Variants in XPO7 observed in about 807,000 individuals in gnomAD.
XPO7 encodes exportin-7.
A neutral mutation model predicts 144.3 loss-of-function variants in XPO7; 21 were observed. The ratio of observed to expected loss-of-function variants is 0.15; its 90% confidence interval spans 0.10 to 0.21. The LOEUF is 0.21. Among genes scored for constraint, XPO7 ranks in the 10% least tolerant of loss-of-function variants. The pLI, the probability that XPO7 is intolerant of heterozygous loss-of-function variation, is 1.00. For missense variants in XPO7, 808 were observed against 1,325.8 expected, an observed-to-expected ratio of 0.61 and a Z score of 6.06; for synonymous variants, 580 against 499.6, an observed-to-expected ratio of 1.16 and a Z score of -2.15.
intron 1 of XPO7, among the ~76,000 whole-genome samples, chr8:21,925,661 GCC>G (rs942903164): frequency 6.6e-6 from 1 of 152,122 alleles, no homozygotes; most frequent in African/African-American, 2.4e-5. Flanking sequence ...ATAGTGTTAT[GCC>G]ATTTAATTGG....
At chr8:21,924,750 T>G (rs893048288) in intron 1 of XPO7, among the ~76,000 whole-genome samples, 1 of 152,192 alleles carries the variant, frequency 6.6e-6, no homozygotes, top group Non-Finnish European at 1.5e-5. Flanking sequence ...CTCACAACAT[T>G]TTATTGAGAA....
At chr8:21,989,585 T>C (rs1812691553) in intron 16 of XPO7, among the ~76,000 whole-genome samples, 1 of 152,178 alleles carries the variant, frequency 6.6e-6, no homozygotes, top group South Asian at 2.1e-4. Context: ...CCTGTAAAAT[T>C]ATTGAAGTGA....
chr8:21,937,066 A>G (rs770401441), intron 1 of XPO7, among the ~76,000 whole-genome samples: 1 of 152,200 alleles, frequency 6.6e-6, no homozygotes, highest in African/African-American at 2.4e-5. Context: ...TTCCAAAATT[A>G]TACCTTATTT....
intron 1 of XPO7, among the ~76,000 whole-genome samples, chr8:21,942,039 G>A (rs1318818697): frequency 1.3e-5 from 2 of 152,198 alleles, no homozygotes; most frequent in Non-Finnish European, 2.9e-5. Flanking sequence ...ATCAGGGAGG[G>A]GAGGGTGTTA....
rs750096186 is a variant in XPO7, at chr8:21,994,337, T to C, written c.2149-26T>C. On this transcript the variant is annotated intron_variant, in intron 19 of 27. Transcript: ENST00000252512. ...TACAGTTTTGTCTTTTCTTCTATTT[T>C]AACACATTTTTGCCTTCTACTACAG... 3.1e-6 allele frequency: 5 copies of C among 1,589,766 alleles called. No individual in the cohort carries two copies. In the South Asian group the frequency reaches 5.6e-5, roughly 18 times the overall value.
intron 18 of XPO7, 127 bp downstream of exon 18, chr8:21,991,046 A>C (rs1279176774): frequency 1.4e-5 from 11 of 812,138 alleles, no homozygotes; most frequent in Non-Finnish European, 2.2e-5. Context: ...ACTATCTGAA[A>C]TAACAGCCTG....
chr8:21,999,429 GTCT>G, intron 23 of XPO7, 104 bp from the exon 24 acceptor site: 1 of 1,572,036 alleles, frequency 6.4e-7, no homozygotes, highest in Non-Finnish European at 8.7e-7. Context: ...CTCTAACTAA[GTCT>G]TCTGTTTTCC....
chr8:21,974,590 TC>T, intron 5 of XPO7, 79 bp from the exon 6 acceptor site: 2 of 932,226 alleles, frequency 2.1e-6, no homozygotes, highest in South Asian at 3.4e-5. Context: ...TGGAAATCCT[TC>T]TAGCTTATAG....
chr8:21,967,148 T>A, intron 2 of XPO7, 145 bp downstream of exon 2: 2 of 1,131,934 alleles, frequency 1.8e-6, no homozygotes, highest in Non-Finnish European at 1.2e-6. Context: ...AGAAGTACCA[T>A]ACCTACCAGG....
At chr8:21,925,880 C>G (rs1355334323) in intron 1 of XPO7, among the ~76,000 whole-genome samples, 2 of 152,162 alleles carry the variant, frequency 1.3e-5, no homozygotes, top group Non-Finnish European at 2.9e-5. Flanking sequence ...TTAAATATAT[C>G]TTCCTCTTCT....
chr8:21,970,076 T>C, intron 3 of XPO7, 68 bp from the exon 4 acceptor site: 1 of 1,542,080 alleles, frequency 6.5e-7, no homozygotes, highest in Non-Finnish European at 8.7e-7. Context: ...TGTCTAAAGA[T>C]ATACACCCTT....
rs540718506 is a variant in XPO7 at position 21,988,931 on chromosome 8, C to A, written c.1788-72C>A. ...GTGACTTTTGATGAATGACTTTCTT[C>A]TTCTCCCAGCCCTCAAGGAAACCAG... On this transcript the variant is annotated intron_variant, in intron 15 of 27. Transcript: ENST00000252512. The A allele has an allele frequency of 6.3e-6, 9 of 1,419,662 alleles. No homozygotes were observed. The African/African-American group carries it at 1.0e-4, about 16-fold the overall frequency. The allele number at this position is 1,419,662 out of a possible 1,614,324, so 87.9% of individuals were successfully genotyped here. A position where few individuals can be genotyped will look rare whatever the true frequency, so the allele number is the denominator to read the frequency against.
chr8:21,924,369 C>G (rs1810390960), intron 1 of XPO7, among the ~76,000 whole-genome samples: 1 of 152,028 alleles, frequency 6.6e-6, no homozygotes, highest in Non-Finnish European at 1.5e-5. Context: ...CCTTACTAAC[C>G]AGCACCCAAA....
At chr8:21,932,291 A>G (rs1810678165) in intron 1 of XPO7, among the ~76,000 whole-genome samples, 1 of 152,220 alleles carries the variant, frequency 6.6e-6, no homozygotes. Context: ...ATTTTACAAA[A>G]CTATTAAGGG....
intron 1 of XPO7, among the ~76,000 whole-genome samples, chr8:21,953,655 C>T (rs1811443675): frequency 6.6e-6 from 1 of 152,242 alleles, no homozygotes; most frequent in Non-Finnish European, 1.5e-5. Context: ...TGTTGTTCCA[C>T]ATCTTTGCCA....
Position 21,989,069 on chromosome 8 carries a change from T to C in XPO7, c.1854T>C (p.Asn618=). 6.2e-7 allele frequency: 1 copy of C among 1,613,790 alleles called. No individual in the cohort carries two copies. The highest frequency in any genetic ancestry group is 8.5e-7 in the Non-Finnish European group (1 of 1,179,808). ...CCTCCAAGACACTACAGCTTCTCAA[T>C]GACCTGTCCATTGGATATCCTTTTC... ...PITSKTLQLL[N]DLSIGYSSVR... Residue 618 remains asparagine (N), a synonymous_variant, in exon 16 of 28, where the codon AAT becomes AAC. Coordinates refer to ENST00000252512, the MANE Select transcript of XPO7 (RefSeq NM_015024.5).
intron 21 of XPO7, among the ~76,000 whole-genome samples, chr8:21,997,273 C>A (rs1257704830): frequency 6.6e-6 from 1 of 152,102 alleles, no homozygotes; most frequent in Non-Finnish European, 1.5e-5. Context: ...AAATCTCTAC[C>A]CTCTTTGATG....
intron 6 of XPO7, 59 bp downstream of exon 6, chr8:21,974,833 G>C: frequency 7.4e-7 from 1 of 1,351,588 alleles, no homozygotes; most frequent in Non-Finnish European, 1.0e-6. Flanking sequence ...AGAATGGATG[G>C]GAACTTGTTA....
In XPO7 at chr8:21,958,359, C is replaced by A. The variant is rs181013733; in HGVS notation, c.19-8498C>A. ...TTTGCGTCAAACAAGCAATATGTAA[C>A]CATGTTTTATTTGTGTTTTTGTTTA... is the stretch of plus-strand genomic sequence containing the variant. On this transcript the variant is annotated intron_variant, in intron 1 of 27. Coordinates refer to ENST00000252512, the MANE Select transcript of XPO7 (RefSeq NM_015024.5). Among the ~76,000 whole-genome samples the A allele has an allele frequency of 8.0e-3, 1,217 of 152,060 alleles. 15 individuals carry two copies. The highest frequency in any genetic ancestry group is 0.028 in the African/African-American group (1,164 of 41,478).
Sources: gnomAD v4.1 joint callset for allele counts (sites outside exome capture counted in the v4.1 genomes callset) on GRCh38, gnomAD v4.1.1 for gene constraint, MANE v1.5 for transcripts, NCBI Gene and HGNC (gene_info 2026-07-23, HGNC 2026-07-21) for gene names.